TRPM7: variants seen among roughly 807,000 people sequenced by gnomAD.
TRPM7 encodes the protein transient receptor potential cation channel subfamily M member 7.
TRPM7 carries 134 observed loss-of-function variants against 229.7 expected under a neutral mutation model. The ratio of observed to expected loss-of-function variants is 0.58; its 90% CI spans 0.51 to 0.67. The LOEUF is 0.67. Among genes scored for constraint, TRPM7 ranks in the 30% least tolerant of loss-of-function variants. The pLI is 0.00. For synonymous variants in TRPM7, 699 were observed against 715.2 expected (o/e 0.98, Z 0.36); for missense variants, 1,901 against 2,210.0 (o/e 0.86, Z 2.80).
At chr15:50,609,162 G>C (rs993145234) in intron 19 of TRPM7, among the ~76,000 whole-genome samples, 5 of 151,922 alleles carry the variant, frequency 3.3e-5, no homozygotes, top group Non-Finnish European at 7.4e-5. Context: ...TAAACAATCT[G>C]GATTACTTTT....
At chr15:50,672,944 T>TAAAGA (rs1405356926) in intron 1 of TRPM7, among the ~76,000 whole-genome samples, 1 of 120,700 alleles carries the variant, frequency 8.3e-6, no homozygotes, top group African/African-American at 3.1e-5. Flanking sequence ...AATAAGTATA[T>TAAAGA]AAAGAAAATG....
At position 50,561,544 on chromosome 15, in the gene TRPM7, A is replaced by T; in HGVS notation, c.*134T>A. On this transcript the variant is annotated 3_prime_UTR_variant, in exon 39 of 39. Transcript: ENST00000646667. ...CAGGTCAAAAGAATATTGACCTTTT[A>T]ACTGTGCTGGAGTCAGCAAATTCAA... 2.2e-6 allele frequency: 2 copies of T among 929,058 alleles called. No homozygotes were observed. Among genetic ancestry groups the T allele is most frequent in the East Asian group, 2.7e-5 (1 of 36,872 alleles). The allele number at this position is 929,058 out of a possible 1,614,324, so 57.6% of individuals were successfully genotyped here. A position where few individuals can be genotyped will look rare whatever the true frequency, so the allele number is the denominator to read the frequency against.
intron 20 of TRPM7, among the ~76,000 whole-genome samples, chr15:50,605,610 T>TG (rs2059899918): frequency 6.6e-6 from 1 of 152,188 alleles, no homozygotes; most frequent in South Asian, 2.1e-4. Flanking sequence ...TTGGGAGGAA[T>TG]GGTAACACAT....
At chr15:50,649,858 A>C (rs867081860) in intron 3 of TRPM7, among the ~76,000 whole-genome samples, 8 of 152,128 alleles carry the variant, frequency 5.3e-5, no homozygotes, top group Non-Finnish European at 1.0e-4. Context: ...TACAACGAGA[A>C]AGTTCCAAGT....
At position 50,574,494 on chromosome 15, in the gene TRPM7, T is replaced by C. The variant is rs780570656; in HGVS notation, c.5103-15A>G. 4.4e-6 allele frequency: 7 copies of C among 1,591,798 alleles called. No individual in the cohort carries two copies. Among genetic ancestry groups the C allele is most frequent in the African/African-American group, 1.4e-5 (1 of 73,546 alleles). On this transcript the variant is annotated splice_polypyrimidine_tract_variant and intron_variant, in intron 35 of 38. Coordinates refer to ENST00000646667, the MANE Select transcript of TRPM7 (RefSeq NM_017672.6). ...CTTCAAGGAACCTTATAAAAAATAG[T>C]TATAAATATTACTAGCAGTTTTGTT...
Position 50,612,637 on chromosome 15 carries a change from C to A in TRPM7, c.1963G>T (p.Ala655Ser). Reference protein sequence around the residue: ...GEESMAKALVACKIYRSMAYE... With the variant: ...GEESMAKALVSCKIYRSMAYE... ...GCCATTGAACGATAGATCTTACAGG[C>A]AACTAATGCTTTAGCCATTGATTCT... Residue 655 changes from alanine (A) to serine (S), a missense_variant, in exon 16 of 39, where the codon GCC becomes TCC. Transcript: ENST00000646667. 2 of 1,614,132 alleles carry A rather than the reference C, an allele frequency of 1.2e-6. No individual in the cohort carries two copies. The highest frequency in any genetic ancestry group is 1.1e-5 in the South Asian group (1 of 91,080).
intron 21 of TRPM7, among the ~76,000 whole-genome samples, chr15:50,603,725 G>A (rs1444537939): frequency 6.6e-6 from 1 of 152,054 alleles, no homozygotes; most frequent in East Asian, 1.9e-4. Flanking sequence ...ATGGACATTT[G>A]GGTTGGTTCC....
chr15:50,644,432 C>A (rs978531805), intron 4 of TRPM7, among the ~76,000 whole-genome samples: 2 of 152,086 alleles, frequency 1.3e-5, no homozygotes, highest in Non-Finnish European at 2.9e-5. Context: ...TCTAAGAAAC[C>A]TTATTTGCAA....
At chr15:50,639,593 T>C (rs774248263) in intron 5 of TRPM7, 45 bp from the exon 6 acceptor site, 36 of 1,576,164 alleles carry the variant, frequency 2.3e-5, no homozygotes, top group Non-Finnish European at 3.0e-5. Flanking sequence ...TTTATTTTCT[T>C]AAAGACAGGG....
chr15:50,605,937 T>G (rs2059907364), intron 20 of TRPM7, among the ~76,000 whole-genome samples: 1 of 152,040 alleles, frequency 6.6e-6, no homozygotes, highest in South Asian at 2.1e-4. Context: ...CGAGTTGGTG[T>G]TTGGAAAAGA....
rs74954262 is a variant in TRPM7 at position 50,671,518 on chromosome 15, T to G, written c.4-8472A>C. Among the ~76,000 whole-genome samples the G allele has an allele frequency of 3.3e-3, 503 of 152,278 alleles. 2 individuals carry two copies. In the Middle Eastern group the frequency reaches 0.034, roughly 10 times the overall value. ...TATAATGGACCTGAAAAATTCCTAT[T>G]GCAGGCTGGGTGCAATGGCTCACAC... On this transcript the variant is annotated intron_variant, in intron 1 of 38. Coordinates refer to ENST00000646667, the MANE Select transcript of TRPM7 (RefSeq NM_017672.6).
intron 1 of TRPM7, among the ~76,000 whole-genome samples, chr15:50,679,034 C>T (rs1255754273): frequency 5.3e-5 from 8 of 152,092 alleles, no homozygotes; most frequent in South Asian, 2.1e-4. Context: ...CCACCACGCC[C>T]GGCTAATTTT....
At position 50,642,465 on chromosome 15, in the gene TRPM7, C is replaced by T. The variant is rs541077126; in HGVS notation, c.535+875G>A. Reference sequence around the variant, plus strand: ...TAATCCCCAGGTTTTACGGGAGAGACCAGGTGGAAGTAACTGAATCATGGG... The same window carrying T: ...TAATCCCCAGGTTTTACGGGAGAGATCAGGTGGAAGTAACTGAATCATGGG... On this transcript the variant is annotated intron_variant, in intron 5 of 38. Coordinates refer to ENST00000646667, the MANE Select transcript of TRPM7 (RefSeq NM_017672.6). 4.6e-5 allele frequency among the ~76,000 whole-genome samples: 7 copies of T among 152,246 alleles called. No homozygotes were observed. In the East Asian group the frequency reaches 1.3e-3, roughly 29 times the overall value.
At chr15:50,642,926 ATTAT>A (rs1371592531) in intron 5 of TRPM7, among the ~76,000 whole-genome samples, 1 of 152,164 alleles carries the variant, frequency 6.6e-6, no homozygotes, top group Non-Finnish European at 1.5e-5. Context: ...CAAACTGTAG[ATTAT>A]TTATCAAGAG....
At chr15:50,580,743 G>C in intron 30 of TRPM7, 131 bp downstream of exon 30, 1 of 718,928 alleles carries the variant, frequency 1.4e-6, no homozygotes, top group Admixed American at 3.3e-5. Flanking sequence ...TATGTGAAGA[G>C]AGGAGATGCT....
intron 21 of TRPM7, among the ~76,000 whole-genome samples, chr15:50,601,017 TAAAC>T (rs1203127102): frequency 6.6e-6 from 1 of 152,082 alleles, no homozygotes; most frequent in Non-Finnish European, 1.5e-5. Context: ...TGCTTTCAAA[TAAAC>T]AAAATATTGC....
chr15:50,681,334 T>G (rs2062236732), intron 1 of TRPM7, among the ~76,000 whole-genome samples: 3 of 151,180 alleles, frequency 2.0e-5, no homozygotes, highest in Admixed American at 2.0e-4. Context: ...GCCGACACAT[T>G]AGCTAATGCA....
Position 50,574,073 on chromosome 15 carries a change from C to A in TRPM7, c.5308+201G>T, listed in dbSNP as rs1207276316. 1.2e-4 allele frequency among the ~76,000 whole-genome samples: 16 copies of A among 132,672 alleles called. No homozygotes were observed. In the Admixed American group the frequency reaches 1.3e-3, roughly 10 times the overall value. 87.0% of individuals were successfully genotyped at this position (132,672 alleles called of 152,430 possible). On this transcript the variant is annotated intron_variant, in intron 36 of 38. Transcript: ENST00000646667. ...CTCCCTCTGGGGGTGGGGGAGGGGG[C>A]GGGGGAACAAAAAAAGATAGCCAGA...
chr15:50,628,134 A>C lies in TRPM7; in HGVS notation c.1305+15T>G, dbSNP rs530056268. On this transcript the variant is annotated intron_variant, in intron 11 of 38. Coordinates refer to ENST00000646667, the MANE Select transcript of TRPM7 (RefSeq NM_017672.6). ...TGTAATTTAATTGTATTGTGTATGT[A>C]GATTATTTACATACCAGCCACTGCT... is the stretch of plus-strand genomic sequence containing the variant. 1 of 1,553,310 alleles carries C rather than the reference A, an allele frequency of 6.4e-7. No individual in the cohort carries two copies. The highest frequency in any genetic ancestry group is 1.7e-5 in the Admixed American group (1 of 58,900).
Sources: gnomAD v4.1 joint callset for allele counts (sites outside exome capture counted in the v4.1 genomes callset) on GRCh38, gnomAD v4.1.1 for gene constraint, MANE v1.5 for transcripts, NCBI Gene and HGNC (gene_info 2026-07-23, HGNC 2026-07-21) for gene names.